The following BCAS3 variants were observed in gnomAD, a reference collection of about 807,000 sequenced individuals.
BCAS3 encodes the protein BCAS4/BCAS3 fusion.
Under a neutral mutation model 116.1 loss-of-function variants are expected in BCAS3, and 53 were observed. The ratio of observed to expected loss-of-function variants is 0.46; its 90% confidence interval spans 0.37 to 0.57. The LOEUF (loss-of-function observed/expected upper bound fraction) is 0.57, where lower values mean the gene tolerates loss of function less well. Ranked by LOEUF, BCAS3 falls within the 20% of genes least tolerant of loss-of-function variation. The pLI, the probability that BCAS3 is intolerant of heterozygous loss-of-function variation, is 0.00. For synonymous variants in BCAS3, 391 were observed against 408.2 expected (o/e 0.96, Z 0.51); for missense variants, 917 against 1,165.4 (o/e 0.79, Z 3.10).
At chr17:60,903,106 T>G (rs2058003172) in intron 11 of BCAS3, among the ~76,000 whole-genome samples, 1 of 152,192 alleles carries the variant, frequency 6.6e-6, no homozygotes, top group African/African-American at 2.4e-5. Flanking sequence ...TTTTCATGTG[T>G]GTGAGGGTTA....
In BCAS3 at chr17:61,219,603, T is replaced by C. The variant is rs1043751033; in HGVS notation, c.2425+135039T>C. Among the ~76,000 whole-genome samples the C allele has an allele frequency of 4.6e-5, 7 of 152,212 alleles. No individual in the cohort carries two copies. The highest frequency in any genetic ancestry group is 1.7e-4 in the African/African-American group (7 of 41,456). On this transcript the variant is annotated intron_variant, in intron 22 of 23. Transcript: ENST00000407086. The surrounding 1 kb of genome is among the most constrained non-coding windows in gnomAD (Gnocchi z 5.2). ...TCACTGTGCTATTTCAGCTTTCTGC[T>C]GCTGACAACATCAGAAGTGTTTTAA...
intron 7 of BCAS3, among the ~76,000 whole-genome samples, chr17:60,855,612 GC>G (rs1230755058): frequency 1.3e-5 from 2 of 151,736 alleles, no homozygotes; most frequent in Non-Finnish European, 2.9e-5. Context: ...GTGCCACCAC[GC>G]CCGGCCACTA....
intron 22 of BCAS3, among the ~76,000 whole-genome samples, chr17:61,094,315 G>C (rs1276846825): frequency 6.6e-6 from 1 of 152,190 alleles, no homozygotes; most frequent in Admixed American, 6.5e-5. Flanking sequence ...ATTGTGATTT[G>C]TAAACTGAAC....
intron 19 of BCAS3, among the ~76,000 whole-genome samples, chr17:61,049,623 A>T (rs1218747367): frequency 1.3e-5 from 2 of 151,820 alleles, no homozygotes; most frequent in Admixed American, 6.6e-5. Context: ...TTTGCTCAAA[A>T]TCATTGACAA....
At chr17:60,831,267 C>T (rs762830859) in intron 7 of BCAS3, among the ~76,000 whole-genome samples, 2 of 152,178 alleles carry the variant, frequency 1.3e-5, no homozygotes, top group African/African-American at 2.4e-5. Context: ...ACCTCTGCCT[C>T]CCAGGCTCAA....
At chr17:61,216,237 G>A (rs2081777192) in intron 22 of BCAS3, among the ~76,000 whole-genome samples, 1 of 152,148 alleles carries the variant, frequency 6.6e-6, no homozygotes. Flanking sequence ...AGAAGTTCAG[G>A]ACGGCCTGAG....
Position 61,154,347 on chromosome 17 carries a change from G to A in BCAS3, c.2425+69783G>A, listed in dbSNP as rs779676483. Among the ~76,000 whole-genome samples the A allele has an allele frequency of 8.5e-5, 13 of 152,130 alleles. 1 individual carries two copies. Among genetic ancestry groups the A allele is most frequent in the Admixed American group, 2.6e-4 (4 of 15,274 alleles). On this transcript the variant is annotated intron_variant, in intron 22 of 23. Coordinates refer to ENST00000407086, the MANE Select transcript of BCAS3 (RefSeq NM_017679.5). ...CTGGACCAGCCTTGACACAGTCACC[G>A]TTTTTTGGAACAACTCGGAGGGATT...
At chr17:60,889,177 T>C (rs7224438) in intron 9 of BCAS3, among the ~76,000 whole-genome samples, 18,525 of 152,228 alleles carry the variant, frequency 0.12, 3,424 homozygotes, top group African/African-American at 0.4. Flanking sequence ...TGCAGTTCCC[T>C]AACATCTTTC....
intron 10 of BCAS3, among the ~76,000 whole-genome samples, chr17:60,890,261 C>A (rs959907856): frequency 2.0e-5 from 3 of 152,052 alleles, no homozygotes; most frequent in Admixed American, 2.0e-4. Context: ...CGAGACCAGC[C>A]TGGCCAACAT....
At chr17:60,846,067 C>T (rs1203179734) in intron 7 of BCAS3, among the ~76,000 whole-genome samples, 3 of 151,930 alleles carry the variant, frequency 2.0e-5, no homozygotes, top group Non-Finnish European at 2.9e-5. Flanking sequence ...TAGCTGGGAC[C>T]GTAGACATGT....
In BCAS3 at chr17:61,180,224, T is replaced by C. The variant is rs1039228484; in HGVS notation, c.2425+95660T>C. On this transcript the variant is annotated intron_variant, in intron 22 of 23. Coordinates refer to ENST00000407086, the MANE Select transcript of BCAS3 (RefSeq NM_017679.5). This position sits in a 1 kb window ranked among gnomAD's most constrained non-coding sequence, Gnocchi z 6.0. ...TCAGAGAAGCTGTCGTACATTTTTA[T>C]ATTAATCCCAAGAGCTTTCTAATAT... is the stretch of plus-strand genomic sequence containing the variant. Among the ~76,000 whole-genome samples the C allele has an allele frequency of 4.6e-5, 7 of 152,332 alleles. No individual in the cohort carries two copies. The highest frequency in any genetic ancestry group is 3.4e-3 in the Middle Eastern group (1 of 294).
Position 61,104,502 on chromosome 17 carries a change from C to A in BCAS3, c.2425+19938C>A, listed in dbSNP as rs2074520428. On this transcript the variant is annotated intron_variant, in intron 22 of 23. Transcript: ENST00000407086. This position sits in a 1 kb window ranked among gnomAD's most constrained non-coding sequence, Gnocchi z 4.1. ...GAACATCAGTAATTACTATTTGAGG[C>A]AACCTTTGGGGATTGAGATATATGC... 6.6e-6 allele frequency among the ~76,000 whole-genome samples: 1 copy of A among 152,096 alleles called. No individual in the cohort carries two copies. Among genetic ancestry groups the A allele is most frequent in the Non-Finnish European group, 1.5e-5 (1 of 68,020 alleles).
intron 14 of BCAS3, among the ~76,000 whole-genome samples, chr17:60,959,002 T>G (rs994298239): frequency 6.6e-6 from 1 of 152,106 alleles, no homozygotes; most frequent in Non-Finnish European, 1.5e-5. Context: ...GTGACTTGGG[T>G]TAGGGACAGA....
chr17:60,954,691 A>G (rs527497596), intron 14 of BCAS3, among the ~76,000 whole-genome samples: 8 of 152,338 alleles, frequency 5.3e-5, no homozygotes, highest in African/African-American at 1.7e-4. Context: ...TAACTCATTC[A>G]TGAGTAAATA....
rs1450236670 is a variant in BCAS3 at position 61,041,911 on chromosome 17, T to G, written c.2029+1019T>G. 2.6e-5 allele frequency among the ~76,000 whole-genome samples: 4 copies of G among 152,006 alleles called. No homozygotes were observed. Among genetic ancestry groups the G allele is most frequent in the African/African-American group, 9.7e-5 (4 of 41,436 alleles). Reference sequence around the variant, plus strand: ...GAGGCAGTTCTGATTTAAAGGTGATTAGTATATTGCTTCTCTCCTCAATGA... The same window carrying G: ...GAGGCAGTTCTGATTTAAAGGTGATGAGTATATTGCTTCTCTCCTCAATGA... On this transcript the variant is annotated intron_variant, in intron 19 of 23. Coordinates refer to ENST00000407086, the MANE Select transcript of BCAS3 (RefSeq NM_017679.5). The surrounding 1 kb of genome is among the most constrained non-coding windows in gnomAD (Gnocchi z 4.7).
rs536315118 is a variant in BCAS3, at chr17:60,997,282, T to C, written c.1486+7047T>C. Among the ~76,000 whole-genome samples, 6 of 152,170 alleles carry C rather than the reference T, an allele frequency of 3.9e-5. No homozygotes were observed. The East Asian group carries it at 9.7e-4, about 25-fold the overall frequency. ...CCGGTACCAGTCCACCACCTGGGAGTTGGGAACCCCTTGTGTAAAAGACAT... is the reference window on the plus strand; with the variant it reads ...CCGGTACCAGTCCACCACCTGGGAGCTGGGAACCCCTTGTGTAAAAGACAT... On this transcript the variant is annotated intron_variant, in intron 15 of 23. Transcript: ENST00000407086.
chr17:60,804,551 C>T (rs554922249), intron 6 of BCAS3, among the ~76,000 whole-genome samples: 1 of 152,168 alleles, frequency 6.6e-6, no homozygotes, highest in Non-Finnish European at 1.5e-5. Flanking sequence ...GTATGTATTC[C>T]TTTTTTCCAC....
Position 61,278,557 on chromosome 17 carries a change from T to G in BCAS3, c.2426-89770T>G, listed in dbSNP as rs2050972815. 6.6e-6 allele frequency among the ~76,000 whole-genome samples: 1 copy of G among 152,210 alleles called. No homozygotes were observed. Among genetic ancestry groups the G allele is most frequent in the Admixed American group, 6.5e-5 (1 of 15,286 alleles). On this transcript the variant is annotated intron_variant, in intron 22 of 23. Transcript: ENST00000407086. The surrounding 1 kb of genome is among the most constrained non-coding windows in gnomAD (Gnocchi z 5.8). ...TGCTTCTGCGTTCCTTGTGGCATTATTCACTATAGCCCAAAGATGCCAGCA... is the reference window on the plus strand; with the variant it reads ...TGCTTCTGCGTTCCTTGTGGCATTAGTCACTATAGCCCAAAGATGCCAGCA...
chr17:61,053,265 A>G (rs568463594), intron 19 of BCAS3, among the ~76,000 whole-genome samples: 1 of 152,214 alleles, frequency 6.6e-6, no homozygotes, highest in Non-Finnish European at 1.5e-5. Context: ...CTGGCATACA[A>G]ATCACAACAT....
Sources: allele counts gnomAD v4.1 joint callset (sites outside exome capture counted in the v4.1 genomes callset), GRCh38; gene constraint gnomAD v4.1.1; non-coding constraint Gnocchi (gnomAD v3.1); transcripts MANE v1.5; gene names NCBI Gene and HGNC (gene_info 2026-07-23, HGNC 2026-07-21).